ADGRD2: variants seen among roughly 807,000 people sequenced by gnomAD.
ADGRD2 encodes the protein G protein-coupled receptor PGR24.
In ADGRD2, 71 loss-of-function variants were observed where a neutral mutation model predicts 44.4. The ratio of observed to expected loss-of-function variants is 1.60; its 90% CI spans 1.32 to 1.95. The LOEUF is 1.95. Among genes scored for constraint, ADGRD2 ranks in the 30% most tolerant of loss-of-function variants. The pLI is 0.00. For missense variants in ADGRD2, 1,039 were observed against 512.4 expected, an observed-to-expected ratio of 2.03 and a Z score of -9.92; for synonymous variants, 481 against 224.8, an observed-to-expected ratio of 2.14 and a Z score of -10.19.
chr9:124,470,530 C>G lies in ADGRD2; in HGVS notation c.2676C>G (p.Val892=), dbSNP rs957603194. The change falls in exon 17 of 22, where the codon GTC becomes GTG. Residue 892 remains valine (V), a synonymous_variant. Transcript: ENST00000334810. Reference sequence around the variant, plus strand: ...AGCCCGTGCTGGTCCTGCTGCCCGTCCTAGGCCTGACCTGGCTGGCAGGCA... The same window carrying G: ...AGCCCGTGCTGGTCCTGCTGCCCGTGCTAGGCCTGACCTGGCTGGCAGGCA... The G allele has an allele frequency of 7.0e-6, 5 of 711,178 alleles. No individual in the cohort carries two copies. The African/African-American group carries it at 8.7e-5, about 12-fold the overall frequency. The allele number at this position is 711,178 out of a possible 1,614,324, so 44.1% of individuals were successfully genotyped here. A position where few individuals can be genotyped will look rare whatever the true frequency, so the allele number is the denominator to read the frequency against.
intron 21 of ADGRD2, chr9:124,477,068 A>AC (rs774177133): frequency 7.8e-5 from 42 of 535,662 alleles, no homozygotes; most frequent in South Asian, 4.5e-4. Flanking sequence ...TAAGCCCAGC[A>AC]CCCCCCGTCA....
chr9:124,476,528 G>A (rs1832052953), intron 20 of ADGRD2, 113 bp downstream of exon 23: 3 of 637,874 alleles, frequency 4.7e-6, no homozygotes, highest in Admixed American at 5.1e-5. Flanking sequence ...GGGCTTCCCG[G>A]GGATCTGTTT....
Position 124,468,234 on chromosome 9 carries a change from A to T in ADGRD2, c.2233+44A>T, listed in dbSNP as rs921153628. 9.8e-6 allele frequency: 7 copies of T among 717,318 alleles called. No individual in the cohort carries two copies. The African/African-American group carries it at 1.2e-4, about 13-fold the overall frequency. The allele number at this position is 717,318 out of a possible 1,614,324, so 44.4% of individuals were successfully genotyped here. A position where few individuals can be genotyped will look rare whatever the true frequency, so the allele number is the denominator to read the frequency against. ...GGCTGGAAGCCCGGGGAAGCCTGGG[A>T]AAGTGCCTGTGGGCTTTTCTAGGGT... On this transcript the variant is annotated intron_variant, in intron 13 of 21. Transcript: ENST00000334810.
intron 10 of ADGRD2, among the ~76,000 whole-genome samples, chr9:124,460,965 C>G (rs1831714624): frequency 6.6e-6 from 1 of 152,168 alleles, no homozygotes; most frequent in South Asian, 2.1e-4. Context: ...CTGCCAACAT[C>G]CTTGTCAGTG....
intron 10 of ADGRD2, among the ~76,000 whole-genome samples, chr9:124,464,244 T>C (rs944645576): frequency 6.6e-6 from 1 of 152,146 alleles, no homozygotes; most frequent in African/African-American, 2.4e-5. Context: ...TCAGAAAATA[T>C]AGAAAAGGAT....
exon 2 of ADGRD2, chr9:124,452,636 C>G (rs1270863534): frequency 1.4e-6 from 1 of 718,274 alleles, no homozygotes; most frequent in Non-Finnish European, 2.6e-6. Flanking sequence ...GCACTGCAGC[C>G]CCCTGATGGG....
At chr9:124,451,132 G>T (rs888531877), upstream of ADGRD2, 4 of 472,216 alleles carry the variant, frequency 8.5e-6, no homozygotes, top group Non-Finnish European at 1.3e-5. Context: ...TCCAGAGGAG[G>T]GAAACTCAGA....
upstream of ADGRD2, among the ~76,000 whole-genome samples, chr9:124,450,930 G>A (rs1831454530): frequency 6.6e-6 from 1 of 152,220 alleles, no homozygotes; most frequent in Admixed American, 6.5e-5. Context: ...AGACCCAGGA[G>A]GCTCTTCCCT....
At chr9:124,464,805 T>C (rs1368010476) in intron 10 of ADGRD2, among the ~76,000 whole-genome samples, 1 of 84,022 alleles carries the variant, frequency 1.2e-5, no homozygotes, top group Admixed American at 1.4e-4. Flanking sequence ...ACATGCTGTG[T>C]GTGTACGTGT....
chr9:124,459,325 C>G (rs925194120), intron 10 of ADGRD2, among the ~76,000 whole-genome samples: 5 of 152,038 alleles, frequency 3.3e-5, no homozygotes, highest in Admixed American at 6.6e-5. Flanking sequence ...AACCCCATCT[C>G]TACTAAAAAT....
At chr9:124,450,648 GT>G (rs1564135609), upstream of ADGRD2, among the ~76,000 whole-genome samples, 1 of 152,252 alleles carries the variant, frequency 6.6e-6, no homozygotes, top group East Asian at 1.9e-4. Context: ...GCCTCAACGA[GT>G]GTTTGGAGAG....
chr9:124,462,982 TTTTG>T (rs1207767282), intron 10 of ADGRD2, among the ~76,000 whole-genome samples: 1 of 151,756 alleles, frequency 6.6e-6, no homozygotes, highest in Non-Finnish European at 1.5e-5. Context: ...CTTTCCTCCC[TTTTG>T]TTTCTTTCTT....
rs750014000 is a variant in ADGRD2, at chr9:124,468,079, C to G, written c.2131-9C>G. On this transcript the variant is annotated splice_polypyrimidine_tract_variant and intron_variant, in intron 12 of 21. Coordinates refer to ENST00000334810, the Ensembl canonical transcript of ADGRD2. ...TGTTCTTGTTAACTGACTCCTCTGT[C>G]CTCTCCAGGGTCCCCAAGTCAGAGC... 1.5e-5 allele frequency: 11 copies of G among 718,352 alleles called. No homozygotes were observed. In the African/African-American group the frequency reaches 1.7e-4, roughly 11 times the overall value. 44.5% of individuals were successfully genotyped at this position (718,352 alleles called of 1,614,324 possible).
chr9:124,457,580 G>C (rs757293552), exon 8 of ADGRD2: 1 of 671,210 alleles, frequency 1.5e-6, no homozygotes, highest in African/African-American at 1.8e-5. Flanking sequence ...ATTCCTGCGA[G>C]TGAAGTGAGG....
chr9:124,452,894 A>G, intron 2 of ADGRD2, 141 bp from the exon 6 acceptor site: 2 of 603,930 alleles, frequency 3.3e-6, no homozygotes, highest in East Asian at 2.7e-5. Context: ...TGGGCAGGGG[A>G]ACTCTAGCCC....
intron 10 of ADGRD2, among the ~76,000 whole-genome samples, chr9:124,461,536 T>C (rs1831721685): frequency 6.6e-6 from 1 of 152,212 alleles, no homozygotes; most frequent in Non-Finnish European, 1.5e-5. Context: ...GAAAAGATTA[T>C]TCTTTGCTCC....
At chr9:124,473,643 C>T (rs1300044022) in intron 17 of ADGRD2, among the ~76,000 whole-genome samples, 3 of 152,200 alleles carry the variant, frequency 2.0e-5, no homozygotes, top group Non-Finnish European at 4.4e-5. Flanking sequence ...TGCCCAGGGC[C>T]AAAGAATTCT....
chr9:124,472,700 G>C (rs377272087), intron 17 of ADGRD2, among the ~76,000 whole-genome samples: 4 of 152,112 alleles, frequency 2.6e-5, no homozygotes, highest in Non-Finnish European at 4.4e-5. Flanking sequence ...GGAGACGGGG[G>C]TCTCACCATG....
At chr9:124,461,065 T>C (rs1173974514) in intron 10 of ADGRD2, among the ~76,000 whole-genome samples, 2 of 152,240 alleles carry the variant, frequency 1.3e-5, no homozygotes, top group Non-Finnish European at 2.9e-5. Flanking sequence ...ACTCTGGGCA[T>C]CTCTTTATAC....
Sources: gnomAD v4.1 joint callset for allele counts (sites outside exome capture counted in the v4.1 genomes callset) on GRCh38, gnomAD v4.1.1 for gene constraint, MANE v1.5 for transcripts, NCBI Gene and HGNC (gene_info 2026-07-23, HGNC 2026-07-21) for gene names.